Variants in POLQ observed in about 807,000 individuals in gnomAD.
POLQ encodes the protein epididymis secretory sperm binding protein.
POLQ carries 233 observed loss-of-function variants against 259.2 expected under a neutral mutation model. The observed-to-expected ratio is 0.90, with a 90% CI of 0.81 to 1.00. The LOEUF is 1.00. POLQ is among the 50% of genes least tolerant of loss of function. The pLI, the probability that POLQ is intolerant of heterozygous loss-of-function variation, is 0.00. For missense variants in POLQ, 2,871 were observed against 3,051.6 expected (o/e 0.94, Z 1.39); for synonymous variants, 1,025 against 1,048.8 (o/e 0.98, Z 0.44).
chr3:121,517,188 C>A (rs952147170), intron 9 of POLQ, among the ~76,000 whole-genome samples: 2 of 152,122 alleles, frequency 1.3e-5, no homozygotes, highest in African/African-American at 4.8e-5. Context: ...TGTGAGTCCA[C>A]TGAAAATTGG....
rs750606149 is a variant in POLQ, at chr3:121,487,798, A to G, written c.5133T>C (p.Asn1711=). The G allele has an allele frequency of 1.9e-6, 3 of 1,610,222 alleles. No individual in the cohort carries two copies. In the Admixed American group the frequency reaches 5.1e-5, roughly 27 times the overall value. The change falls in exon 16 of 30, where the codon AAT becomes AAC. Residue 1711 remains asparagine (N), a synonymous_variant. Transcript: ENST00000264233. ...VKSKIEMLEN[N]ANHDETSSLL... ...GGGATGAGGTTTCATCATGATTGGC[A>G]TTGTTTTCTAGCATCTCAATCTTGC...
intron 24 of POLQ, among the ~76,000 whole-genome samples, chr3:121,462,107 T>C (rs1301844150): frequency 6.6e-6 from 1 of 152,182 alleles, no homozygotes; most frequent in Non-Finnish European, 1.5e-5. Flanking sequence ...AAATGTTCAA[T>C]TGGTAAATAT....
intron 10 of POLQ, 74 bp from the exon 11 acceptor site, chr3:121,510,317 C>G (rs1469995887): frequency 9.8e-7 from 1 of 1,019,082 alleles, no homozygotes; most frequent in African/African-American, 1.6e-5. Context: ...GTGGCTCATG[C>G]CTGTAATCCC....
chr3:121,452,992 G>C (rs2047692779), intron 25 of POLQ, among the ~76,000 whole-genome samples: 3 of 152,344 alleles, frequency 2.0e-5, no homozygotes, highest in East Asian at 1.9e-4. Flanking sequence ...GCACCCCCCA[G>C]TAGGGGCAGA....
At chr3:121,449,479 A>G (rs376163287) in intron 25 of POLQ, 53 bp from the exon 26 acceptor site, 1 of 994,776 alleles carries the variant, frequency 1.0e-6, no homozygotes. Flanking sequence ...AAATGCAAAT[A>G]AAAGGGTTCA....
At chr3:121,525,671 A>T (rs1485008486) in intron 7 of POLQ, among the ~76,000 whole-genome samples, 1 of 152,172 alleles carries the variant, frequency 6.6e-6, no homozygotes, top group Non-Finnish European at 1.5e-5. Flanking sequence ...TCCGTGCCAT[A>T]AAAAAAGTCA....
At chr3:121,468,645 A>G (rs2047858750) in intron 22 of POLQ, among the ~76,000 whole-genome samples, 1 of 152,228 alleles carries the variant, frequency 6.6e-6, no homozygotes, top group Admixed American at 6.5e-5. Flanking sequence ...TGAATTGGCT[A>G]CACTACTATG....
chr3:121,487,190 A>G (rs1438060551), intron 16 of POLQ, 112 bp downstream of exon 16: 5 of 625,292 alleles, frequency 8.0e-6, no homozygotes, highest in South Asian at 2.4e-5. Context: ...GGAGATACAT[A>G]CTACAACTTG....
In POLQ at chr3:121,541,491, T is replaced by C; in HGVS notation, c.344-12A>G. The C allele has an allele frequency of 6.3e-7, 1 of 1,582,154 alleles. No homozygotes were observed. Among genetic ancestry groups the C allele is most frequent in the Non-Finnish European group, 8.6e-7 (1 of 1,167,332 alleles). On this transcript the variant is annotated splice_polypyrimidine_tract_variant and intron_variant, in intron 2 of 29. Coordinates refer to ENST00000264233, the MANE Select transcript of POLQ (RefSeq NM_199420.4). ...AGCACTTGTAGGAGCTAAAACATGATTATTCCACAAGATTATAAGAAAAAA... is the reference window on the plus strand; with the variant it reads ...AGCACTTGTAGGAGCTAAAACATGACTATTCCACAAGATTATAAGAAAAAA...
chr3:121,476,276 TC>T (rs1331165728), intron 20 of POLQ, among the ~76,000 whole-genome samples: 2 of 152,182 alleles, frequency 1.3e-5, no homozygotes, highest in Non-Finnish European at 2.9e-5. Flanking sequence ...AGTGAGTCCC[TC>T]CTCCGTTCCA....
chr3:121,484,922 T>C, intron 17 of POLQ, 119 bp downstream of exon 17: 1 of 833,106 alleles, frequency 1.2e-6, no homozygotes. Context: ...AAAAAAAAAT[T>C]TAACTCTAAA....
Position 121,494,361 on chromosome 3 carries a change from A to G in POLQ, c.2279-640T>C, listed in dbSNP as rs570426385. On this transcript the variant is annotated intron_variant, in intron 14 of 29. Coordinates refer to ENST00000264233, the MANE Select transcript of POLQ (RefSeq NM_199420.4). The stretch of plus-strand genomic sequence containing the variant: ...CCTCCTGCGATTAACCAGTTCACCC[A>G]GGCCCTGGACCGCCAAACAGCTACT... 7.8e-5 allele frequency: 125 copies of G among 1,597,266 alleles called. No homozygotes were observed. The East Asian group carries it at 2.7e-3, about 35-fold the overall frequency.
At chr3:121,436,380 A>G in intron 27 of POLQ, 105 bp from the exon 28 acceptor site, 2 of 1,077,836 alleles carry the variant, frequency 1.9e-6, no homozygotes, top group Non-Finnish European at 2.7e-6. Flanking sequence ...CAGACTGGAA[A>G]GCTGGACTGA....
intron 9 of POLQ, among the ~76,000 whole-genome samples, chr3:121,515,400 C>T (rs1392916008): frequency 6.6e-6 from 1 of 152,174 alleles, no homozygotes; most frequent in Non-Finnish European, 1.5e-5. Context: ...CGAGGCCCAG[C>T]CTGCAACACT....
chr3:121,449,569 A>G, intron 25 of POLQ, 143 bp from the exon 26 acceptor site: 1 of 645,170 alleles, frequency 1.5e-6, no homozygotes, highest in South Asian at 1.9e-5. Flanking sequence ...GGTTACATCC[A>G]CAGAGACTGA....
chr3:121,456,971 T>A (rs1156573513), intron 25 of POLQ, among the ~76,000 whole-genome samples: 1 of 152,170 alleles, frequency 6.6e-6, no homozygotes, highest in Non-Finnish European at 1.5e-5. Context: ...TCAAGCTACC[T>A]GACTTCAAAC....
At position 121,473,403 on chromosome 3, in the gene POLQ, C is replaced by G; in HGVS notation, c.6490G>C (p.Gly2164Arg). 6.2e-7 allele frequency: 1 copy of G among 1,614,072 alleles called. No homozygotes were observed. The highest frequency in any genetic ancestry group is 1.1e-5 in the South Asian group (1 of 91,068). The stretch of plus-strand genomic sequence containing the variant: ...CTTAGCTTGCGTCCATTGTCAATCC[C>G]TCTTCTGGTAGAACCCAGAGTTTTC... ...SKKTLGSTRR[G>R]IDNGRKLRLG... Residue 2164 changes from glycine (G) to arginine (R), a missense_variant, in exon 21 of 30, where the codon GGG (glycine) becomes CGG (arginine). This residue lies in a region of POLQ where 2,080 missense variants were observed against 2,126.0 expected (regional missense o/e 0.98). Coordinates refer to ENST00000264233, the MANE Select transcript of POLQ (RefSeq NM_199420.4).
Position 121,489,896 on chromosome 3 carries a change from T to C in POLQ, c.3035A>G (p.Asp1012Gly). ...TGAAAAAGTCTGAACAACTTTCTTA[T>C]CACTTGTTTTCCCCTCATTCTGAGA... ...GASQNEGKTS[D>G]KKVVQTFSQK... Residue 1012 changes from aspartate (D) to glycine (G), a missense_variant, in exon 16 of 30, where the codon GAT becomes GGT. By Grantham distance (94) the Asp-to-Gly change is moderately conservative (BLOSUM62 -1). Around this residue, in one of 3 missense-constraint regions of POLQ, gnomAD observed 2,080 missense variants for 2,126.0 expected, o/e 0.98. Coordinates refer to ENST00000264233, the MANE Select transcript of POLQ (RefSeq NM_199420.4). The C allele has an allele frequency of 6.3e-7, 1 of 1,598,984 alleles. No homozygotes were observed. The highest frequency in any genetic ancestry group is 8.5e-7 in the Non-Finnish European group (1 of 1,176,412).
chr3:121,448,767 G>A lies in POLQ; in HGVS notation c.7264+548C>T, dbSNP rs114649891. On this transcript the variant is annotated intron_variant, in intron 26 of 29. Transcript: ENST00000264233. ...AACTTTTTGGGATGATAGAGTAATGGTTCTATATCTTGGTTGTGGTGTAAA... is the reference window on the plus strand; with the variant it reads ...AACTTTTTGGGATGATAGAGTAATGATTCTATATCTTGGTTGTGGTGTAAA... Among the ~76,000 whole-genome samples, 1,087 of 152,192 alleles carry A rather than the reference G, an allele frequency of 7.1e-3. 9 individuals carry two copies. Among genetic ancestry groups the A allele is most frequent in the African/African-American group, 0.024 (1,007 of 41,494 alleles).
Sources: gnomAD v4.1 joint callset for allele counts (sites outside exome capture counted in the v4.1 genomes callset) on GRCh38, gnomAD v4.1.1 for gene constraint, gnomAD v4.1.1 regional missense constraint, MANE v1.5 for transcripts, NCBI Gene and HGNC (gene_info 2026-07-23, HGNC 2026-07-21) for gene names.